The following SGSM2 variants were observed in gnomAD, a reference collection of about 807,000 sequenced individuals.
SGSM2 encodes the protein small G protein signaling modulator 2.
In SGSM2, 89 loss-of-function variants were observed where a neutral mutation model predicts 126.6. That is an observed-to-expected ratio of 0.70 (90% confidence interval 0.59 to 0.84). The LOEUF (loss-of-function observed/expected upper bound fraction) is 0.84. Ranked by LOEUF, SGSM2 falls within the 40% of genes least tolerant of loss-of-function variation. SGSM2 has a pLI of 0.00. For synonymous variants in SGSM2, 614 were observed against 574.3 expected (o/e 1.07, Z -0.99); for missense variants, 1,404 against 1,416.6 (o/e 0.99, Z 0.14).
At chr17:2,349,671 G>C (rs541477528) in intron 2 of SGSM2, among the ~76,000 whole-genome samples, 11 of 152,282 alleles carry the variant, frequency 7.2e-5, no homozygotes, top group African/African-American at 2.6e-4. Context: ...AGGCGGAGGA[G>C]CTGAAGCAAG....
chr17:2,373,589 A>T (rs1294881578), intron 17 of SGSM2, 76 bp downstream of exon 17: 7 of 1,366,912 alleles, frequency 5.1e-6, no homozygotes, highest in Non-Finnish European at 6.0e-6. Flanking sequence ...CCTGAGCACC[A>T]GCCTGACCTC....
intron 19 of SGSM2, 132 bp from the exon 20 acceptor site, chr17:2,376,601 C>T (rs900931416): frequency 8.2e-6 from 8 of 981,226 alleles, no homozygotes; most frequent in Non-Finnish European, 9.5e-6. Context: ...GTGGGGGGTG[C>T]ACAGTACATG....
At chr17:2,370,671 G>A (rs2065825677) in intron 12 of SGSM2, among the ~76,000 whole-genome samples, 1 of 152,240 alleles carries the variant, frequency 6.6e-6, no homozygotes, top group Non-Finnish European at 1.5e-5. Flanking sequence ...GGGGTACCTG[G>A]CCTGGGCACG....
chr17:2,358,022 CCA>C (rs2065151549), intron 2 of SGSM2, among the ~76,000 whole-genome samples: 1 of 152,176 alleles, frequency 6.6e-6, no homozygotes, highest in African/African-American at 2.4e-5. Context: ...AGCCCAGGGC[CCA>C]GACAGCTCAG....
rs2064147377 is a variant in SGSM2, at chr17:2,337,819, C to A, written c.57+74C>A. On this transcript the variant is annotated intron_variant, in intron 1 of 23. Coordinates refer to ENST00000268989, the MANE Select transcript of SGSM2 (RefSeq NM_014853.3). The surrounding 1 kb of genome is among the most constrained non-coding windows in gnomAD (Gnocchi z 5.1). Reference sequence around the variant, plus strand: ...GCCCAGGGGGCAGAAAGGTCCGCGCCCACCCCCCGGCGCGGGCACCCGGGC... The same window carrying A: ...GCCCAGGGGGCAGAAAGGTCCGCGCACACCCCCCGGCGCGGGCACCCGGGC... 1 of 1,216,874 alleles carries A rather than the reference C, an allele frequency of 8.2e-7. No homozygotes were observed. Among genetic ancestry groups the A allele is most frequent in the Non-Finnish European group, 1.1e-6 (1 of 916,944 alleles). 75.4% of individuals were successfully genotyped at this position (1,216,874 alleles called of 1,614,324 possible).
rs1473408488 is a variant in SGSM2 at position 2,372,580 on chromosome 17, T to A, written c.1788+92T>A. ...GGTAAAATGTGCCAGTGGGTGCGGT[T>A]GACAGGCCAGGGCCGATGCCACGGA... On this transcript the variant is annotated intron_variant, in intron 15 of 23. Transcript: ENST00000268989. This position sits in a 1 kb window ranked among gnomAD's most constrained non-coding sequence, Gnocchi z 6.0. The A allele has an allele frequency of 2.6e-6, 4 of 1,514,164 alleles. No homozygotes were observed. Among genetic ancestry groups the A allele is most frequent in the Admixed American group, 4.3e-5 (2 of 46,008 alleles). 93.8% of individuals were successfully genotyped at this position (1,514,164 alleles called of 1,614,324 possible). A position where few individuals can be genotyped will look rare whatever the true frequency, so the allele number is the denominator to read the frequency against.
Position 2,367,434 on chromosome 17 carries a change from C to T in SGSM2, c.1423+29C>T. The T allele has an allele frequency of 3.7e-6, 6 of 1,603,178 alleles. No individual in the cohort carries two copies. Among genetic ancestry groups the T allele is most frequent in the Non-Finnish European group, 5.1e-6 (6 of 1,173,208 alleles). ...CTTATCCCTCCCTCTCCCTGACCCA[C>T]CTCATCCCCACCCTCCCTCCCGGGC... On this transcript the variant is annotated intron_variant, in intron 12 of 23. Coordinates refer to ENST00000268989, the MANE Select transcript of SGSM2 (RefSeq NM_014853.3). This position sits in a 1 kb window ranked among gnomAD's most constrained non-coding sequence, Gnocchi z 4.0.
At chr17:2,371,171 T>A (rs1382514124) in intron 12 of SGSM2, 91 bp from the exon 13 acceptor site, 8 of 1,386,864 alleles carry the variant, frequency 5.8e-6, no homozygotes, top group Non-Finnish European at 5.7e-6. Flanking sequence ...GACTTGATGC[T>A]GCAGCTCTGG....
rs1215547488 is a variant in SGSM2 at position 2,337,734 on chromosome 17, G to A, written c.46G>A (p.Val16Met). ...AGTCAAAGAGAAACTGCTGTGGAAC[G>A]TGAAGAAGGAGGTAAAGTCGAGTCA... ...DAVKEKLLWN[V>M]KKEVKQIMEE... The change falls in exon 1 of 24, where the codon GTG (valine) becomes ATG (methionine). Residue 16 changes from valine (V) to methionine (M), a missense_variant. Transcript: ENST00000268989. This position sits in a 1 kb window ranked among gnomAD's most constrained non-coding sequence, Gnocchi z 5.1. 1 of 1,543,046 alleles carries A rather than the reference G, an allele frequency of 6.5e-7. No homozygotes were observed. Among genetic ancestry groups the A allele is most frequent in the Non-Finnish European group, 8.8e-7 (1 of 1,142,318 alleles).
chr17:2,340,790 T>C (rs544449018), intron 1 of SGSM2, among the ~76,000 whole-genome samples: 79 of 152,148 alleles, frequency 5.2e-4, no homozygotes, highest in Middle Eastern at 6.8e-3. Flanking sequence ...TTCACCATGT[T>C]AGCCAGGATG....
At position 2,361,730 on chromosome 17, in the gene SGSM2, G is replaced by T; in HGVS notation, c.227G>T (p.Gly76Val). ...ATGGCAGCCCTGTTCACCAAGGTGG[G>T]GAAGACGTGCCCAGTGGCGGGGGAG... The part of the protein sequence containing the change: ...DKMAALFTKV[G>V]KTCPVAGEIC... Residue 76 changes from glycine (G) to valine (V), a missense_variant, in exon 3 of 24, where the codon GGG (glycine) becomes GTG (valine). Transcript: ENST00000268989. 2 of 1,613,896 alleles carry T rather than the reference G, an allele frequency of 1.2e-6. No individual in the cohort carries two copies. The highest frequency in any genetic ancestry group is 1.7e-6 in the Non-Finnish European group (2 of 1,180,014).
At chr17:2,377,142 G>C (rs1263243627) in intron 21 of SGSM2, 74 bp downstream of exon 21, 1 of 875,754 alleles carries the variant, frequency 1.1e-6, no homozygotes, top group East Asian at 2.5e-5. Context: ...TGGCTAGGGA[G>C]CATTCCACAA....
chr17:2,359,271 C>T (rs1326865260), intron 2 of SGSM2, among the ~76,000 whole-genome samples: 1 of 151,812 alleles, frequency 6.6e-6, no homozygotes, highest in African/African-American at 2.4e-5. Flanking sequence ...ATTATTTTGT[C>T]TGCACACTGC....
At chr17:2,352,767 C>CTTTTTTTTTTTTTTTTTTTTTT (rs71150860) in intron 2 of SGSM2, among the ~76,000 whole-genome samples, 1 of 85,960 alleles carries the variant, frequency 1.2e-5, no homozygotes, top group Non-Finnish European at 2.5e-5. Context: ...GCTGCATTTT[C>CTTTTTTTTTTTTTTTTTTTTTT]TTTTTTTTTT....
Position 2,372,102 on chromosome 17 carries a change from C to A in SGSM2, c.1578-88C>A. ...CGCACCCTCCCCAGTGCCTTACCTG[C>A]CCCCCAGGACAGAGCCTCCTCCCTT... On this transcript the variant is annotated intron_variant, in intron 13 of 23. Transcript: ENST00000268989. The surrounding 1 kb of genome is among the most constrained non-coding windows in gnomAD (Gnocchi z 6.0). The A allele has an allele frequency of 1.3e-6, 2 of 1,482,208 alleles. No homozygotes were observed. Among genetic ancestry groups the A allele is most frequent in the Non-Finnish European group, 1.9e-6 (2 of 1,071,216 alleles). 91.8% of individuals were successfully genotyped at this position (1,482,208 alleles called of 1,614,324 possible). A position where few individuals can be genotyped will look rare whatever the true frequency, so the allele number is the denominator to read the frequency against.
At chr17:2,374,182 T>C (rs2066017157) in intron 17 of SGSM2, 1 of 152,258 alleles carries the variant, frequency 6.6e-6, no homozygotes, top group Non-Finnish European at 1.5e-5. Flanking sequence ...TTAAGGACGC[T>C]TTATTAATTT....
chr17:2,367,548 T>C lies in SGSM2; in HGVS notation c.1423+143T>C. On this transcript the variant is annotated intron_variant, in intron 12 of 23. Coordinates refer to ENST00000268989, the MANE Select transcript of SGSM2 (RefSeq NM_014853.3). This position sits in a 1 kb window ranked among gnomAD's most constrained non-coding sequence, Gnocchi z 4.0. ...GCAGTTCCCTTCCATCGGGGGCAGA[T>C]CAGGGAGGGCAGAAGGAGGCCAGAC... 2.1e-6 allele frequency: 2 copies of C among 939,690 alleles called. No homozygotes were observed. The highest frequency in any genetic ancestry group is 3.1e-6 in the Non-Finnish European group (2 of 637,798). 58.2% of individuals were successfully genotyped at this position (939,690 alleles called of 1,614,324 possible). A position where few individuals can be genotyped will look rare whatever the true frequency, so the allele number is the denominator to read the frequency against.
intron 11 of SGSM2, among the ~76,000 whole-genome samples, chr17:2,366,273 G>T (rs1239972386): frequency 6.6e-6 from 1 of 152,150 alleles, no homozygotes; most frequent in African/African-American, 2.4e-5. Flanking sequence ...CTCTGTCTAT[G>T]TGCATCTACC....
rs986324196 is a variant in SGSM2, at chr17:2,376,987, C to T, written c.2721C>T (p.His907=). 1 of 1,613,784 alleles carries T rather than the reference C, an allele frequency of 6.2e-7. No individual in the cohort carries two copies. Among genetic ancestry groups the T allele is most frequent in the African/African-American group, 1.3e-5 (1 of 74,950 alleles). ...NDQLAYSCFS[H]LMKRMSQNFP... is the part of the protein sequence containing the mutation. ...AGCTGGCCTACAGCTGCTTCAGCCA[C>T]CTCATGAAGAGGATGAGCCAGAACT... is the stretch of plus-strand genomic sequence containing the variant. The change falls in exon 21 of 24, where the codon CAC becomes CAT. Residue 907 remains histidine (H), a synonymous_variant. Coordinates refer to ENST00000268989, the MANE Select transcript of SGSM2 (RefSeq NM_014853.3).
Sources: allele counts gnomAD v4.1 joint callset (sites outside exome capture counted in the v4.1 genomes callset), GRCh38; gene constraint gnomAD v4.1.1; non-coding constraint Gnocchi (gnomAD v3.1); transcripts MANE v1.5; gene names NCBI Gene and HGNC (gene_info 2026-07-23, HGNC 2026-07-21).